MEGF8: variants seen among roughly 807,000 people sequenced by gnomAD.
MEGF8 encodes multiple EGF like domains 8, also known as multiple epidermal growth factor-like domains protein 8.
Under a neutral mutation model 302.9 loss-of-function variants are expected in MEGF8, and 156 were observed. That is an observed-to-expected ratio of 0.52 (90% CI 0.45 to 0.59). MEGF8 has a LOEUF of 0.59. Ranked by LOEUF, MEGF8 falls within the 20% of genes least tolerant of loss-of-function variation. The pLI, the probability that MEGF8 is intolerant of heterozygous loss-of-function variation, is 0.00. For synonymous variants in MEGF8, 1,621 were observed against 1,660.5 expected, an observed-to-expected ratio of 0.98 and a Z score of 0.58; for missense variants, 3,345 against 3,964.5, an observed-to-expected ratio of 0.84 and a Z score of 4.20.
intron 41 of MEGF8, among the ~76,000 whole-genome samples, chr19:42,372,146 GTCTGC>G (rs1245420363): frequency 6.6e-6 from 1 of 152,044 alleles, no homozygotes; most frequent in Non-Finnish European, 1.5e-5. Flanking sequence ...AGGGTCTGGG[GTCTGC>G]CTTCAGGACT....
intron 31 of MEGF8, 74 bp downstream of exon 31, chr19:42,359,316 A>T: frequency 3.6e-6 from 5 of 1,376,392 alleles, no homozygotes; most frequent in Non-Finnish European, 3.8e-6. Context: ...TGGGACTCCC[A>T]CTCCTTAGGA....
intron 8 of MEGF8, 138 bp downstream of exon 8, chr19:42,337,344 C>T (rs923901845): frequency 8.3e-6 from 10 of 1,207,992 alleles, no homozygotes; most frequent in Non-Finnish European, 1.2e-6. Flanking sequence ...GGAGGCAAGC[C>T]TGGGATGGAG....
At chr19:42,338,423 G>A (rs1482566127) in intron 8 of MEGF8, among the ~76,000 whole-genome samples, 2 of 152,082 alleles carry the variant, frequency 1.3e-5, no homozygotes, top group African/African-American at 2.4e-5. Context: ...TGTATTTTTA[G>A]TAGAGACGAG....
At chr19:42,364,168 C>T (rs1479759572) in intron 35 of MEGF8, among the ~76,000 whole-genome samples, 2 of 152,066 alleles carry the variant, frequency 1.3e-5, no homozygotes, top group Non-Finnish European at 2.9e-5. Flanking sequence ...CATGTGTGTA[C>T]CCGTGACAGT....
Position 42,337,218 on chromosome 19 carries a change from C to G in MEGF8, c.1513+12C>G. The G allele has an allele frequency of 6.2e-7, 1 of 1,613,190 alleles. No homozygotes were observed. Among genetic ancestry groups the G allele is most frequent in the Non-Finnish European group, 8.5e-7 (1 of 1,179,860 alleles). ...AGGAACCCCTGAGGGTGAGTGGTCC[C>G]TGTTCTTCCCTAGGGGCTCCTGAGG... On this transcript the variant is annotated intron_variant, in intron 8 of 41. Coordinates refer to ENST00000251268, the MANE Select transcript of MEGF8 (RefSeq NM_001271938.2).
chr19:42,362,961 G>A, intron 34 of MEGF8, 87 bp from the exon 35 acceptor site: 1 of 1,147,634 alleles, frequency 8.7e-7, no homozygotes, highest in Non-Finnish European at 1.3e-6. Flanking sequence ...AGGAGGGGCT[G>A]GGCCTGAGCT....
chr19:42,369,629 G>T lies in MEGF8; in HGVS notation c.6740G>T (p.Arg2247Leu). ...HCRCHFGFVGRNCSTECRCNR... is the reference protein window; with the variant it reads ...HCRCHFGFVGLNCSTECRCNR... ...CGCTGCCACTTTGGCTTTGTGGGCC[G>T]CAACTGCTCCACGGAATGCCGCTGC... Residue 2247 changes from arginine (R) to leucine (L), a missense_variant, in exon 38 of 42, where the codon CGC becomes CTC. Arg to Leu is a moderately radical substitution (Grantham distance 102, BLOSUM62 -2). Coordinates refer to ENST00000251268, the MANE Select transcript of MEGF8 (RefSeq NM_001271938.2). This position sits in a 1 kb window ranked among gnomAD's most constrained non-coding sequence, Gnocchi z 5.7. 1.2e-6 allele frequency: 2 copies of T among 1,612,900 alleles called. No homozygotes were observed. Among genetic ancestry groups the T allele is most frequent in the Non-Finnish European group, 8.5e-7 (1 of 1,179,748 alleles).
In MEGF8 at chr19:42,369,570, C is replaced by T. The variant is rs1302339189; in HGVS notation, c.6681C>T (p.Cys2227=). ...GLCRPVCAQG[C]VNGSCVEPDH... ...GCCGCCCTGTGTGCGCCCAGGGCTG[C>T]GTGAACGGCTCATGTGTGGAGCCCG... The change falls in exon 38 of 42, where the codon TGC becomes TGT. Residue 2227 remains cysteine, a synonymous_variant. Coordinates refer to ENST00000251268, the MANE Select transcript of MEGF8 (RefSeq NM_001271938.2). This position sits in a 1 kb window ranked among gnomAD's most constrained non-coding sequence, Gnocchi z 5.7. 8.7e-6 allele frequency: 14 copies of T among 1,611,324 alleles called. No individual in the cohort carries two copies. Among genetic ancestry groups the T allele is most frequent in the African/African-American group, 6.7e-5 (5 of 74,908 alleles).
intron 12 of MEGF8, among the ~76,000 whole-genome samples, chr19:42,347,000 A>G (rs1015994541): frequency 4.6e-4 from 70 of 150,646 alleles, no homozygotes; most frequent in Admixed American, 3.4e-3. Context: ...AAAAAAAAAA[A>G]AAAAAGAAAA....
At chr19:42,329,693 C>G (rs2039030477) in intron 1 of MEGF8, among the ~76,000 whole-genome samples, 1 of 152,020 alleles carries the variant, frequency 6.6e-6, no homozygotes, top group South Asian at 2.1e-4. Context: ...AAGACACTGT[C>G]TCTACAAAAA....
intron 8 of MEGF8, among the ~76,000 whole-genome samples, chr19:42,339,867 G>A (rs1250605027): frequency 1.3e-5 from 2 of 152,152 alleles, no homozygotes; most frequent in Non-Finnish European, 2.9e-5. Context: ...GACCATCCTG[G>A]TTAACATGGT....
rs2039423907 is a variant in MEGF8 at position 42,354,538 on chromosome 19, G to A, written c.4012-50G>A. The A allele has an allele frequency of 1.3e-6, 2 of 1,574,352 alleles. No individual in the cohort carries two copies. The highest frequency in any genetic ancestry group is 4.5e-5 in the East Asian group (2 of 44,034). On this transcript the variant is annotated intron_variant, in intron 22 of 41. Transcript: ENST00000251268. This position sits in a 1 kb window ranked among gnomAD's most constrained non-coding sequence, Gnocchi z 4.3. ...CCCCTCCTCCTCCCAGACCCCAGGT[G>A]TCGTTCTCATCCTCATTGTCTCCTA...
Position 42,351,840 on chromosome 19 carries a change from C to A in MEGF8, c.3101+79C>A. 1.6e-6 allele frequency: 2 copies of A among 1,214,170 alleles called. No homozygotes were observed. The highest frequency in any genetic ancestry group is 2.4e-6 in the Non-Finnish European group (2 of 846,932). The allele number at this position is 1,214,170 out of a possible 1,614,324, so 75.2% of individuals were successfully genotyped here. ...ACCGGTCATTCTAATGGCCTCTTTGCTTCTCTGCCCTCTTGCCCATCCCAT... is the reference window on the plus strand; with the variant it reads ...ACCGGTCATTCTAATGGCCTCTTTGATTCTCTGCCCTCTTGCCCATCCCAT... On this transcript the variant is annotated intron_variant, in intron 18 of 41. Transcript: ENST00000251268. This position sits in a 1 kb window ranked among gnomAD's most constrained non-coding sequence, Gnocchi z 5.6.
Position 42,334,018 on chromosome 19 carries a change from C to A in MEGF8, c.363C>A (p.His121Gln). ...CCTTGTGCCCGCAGATGCTGCTGCACCTCTTCAGTGATGCCAACTACAACC... is the reference window on the plus strand; with the variant it reads ...CCTTGTGCCCGCAGATGCTGCTGCAACTCTTCAGTGATGCCAACTACAACC... ...IEASSGKMLL[H>Q]LFSDANYNLL... The change falls in exon 3 of 42, where the codon CAC (histidine) becomes CAA (glutamine). Residue 121 changes from histidine to glutamine, a missense_variant. Physicochemically the swap from His to Gln is conservative, Grantham distance 24 (BLOSUM62 0). Coordinates refer to ENST00000251268, the MANE Select transcript of MEGF8 (RefSeq NM_001271938.2). 2.5e-6 allele frequency: 4 copies of A among 1,613,624 alleles called. No homozygotes were observed. The highest frequency in any genetic ancestry group is 3.4e-6 in the Non-Finnish European group (4 of 1,179,760).
intron 32 of MEGF8, 35 bp from the exon 33 acceptor site, chr19:42,362,055 A>ATGGGTG: frequency 6.2e-7 from 1 of 1,607,346 alleles, no homozygotes; most frequent in Non-Finnish European, 8.5e-7. Context: ...GGGGGTCTGG[A>ATGGGTG]TGGGTGTGAG....
At chr19:42,327,389 C>T (rs1208741185) in intron 1 of MEGF8, among the ~76,000 whole-genome samples, 1 of 152,176 alleles carries the variant, frequency 6.6e-6, no homozygotes, top group African/African-American at 2.4e-5. Context: ...GGAGGAACCC[C>T]AGAGGCCTGG....
At position 42,377,042 on chromosome 19, in the gene MEGF8, G is replaced by A; in HGVS notation, c.*267G>A. 2.4e-6 allele frequency: 1 copy of A among 423,212 alleles called. No homozygotes were observed. Among genetic ancestry groups the A allele is most frequent in the South Asian group, 8.4e-5 (1 of 11,862 alleles). The allele number at this position is 423,212 out of a possible 1,614,324, so 26.2% of individuals were successfully genotyped here. A position where few individuals can be genotyped will look rare whatever the true frequency, so the allele number is the denominator to read the frequency against. On this transcript the variant is annotated 3_prime_UTR_variant, in exon 42 of 42. Transcript: ENST00000251268. ...GATCTCATGGGACTTAGGTTCTGGT[G>A]AAGGGAGACAATCAGTGCACATGCA...
At position 42,344,481 on chromosome 19, in the gene MEGF8, GTGACTGCCAGGCC is replaced by G. The variant is rs778689628; in HGVS notation, c.1832_1844del (p.Asp611AlafsTer96). 6.3e-7 allele frequency: 1 copy of G among 1,597,870 alleles called. No individual in the cohort carries two copies. The highest frequency in any genetic ancestry group is 1.1e-5 in the South Asian group (1 of 90,920). On this transcript the variant is annotated frameshift_variant, in exon 11 of 42. Transcript: ENST00000251268. LOFTEE classifies it high-confidence loss of function. This position sits in a 1 kb window ranked among gnomAD's most constrained non-coding sequence, Gnocchi z 4.5. ...TGCCTGGGCCTGGGCCGCCTCCTGGGTGACTGCCAGGCCTGCCTGGCCTTCAGCAGCCCCACAG... is the reference window on the plus strand; with the variant it reads ...TGCCTGGGCCTGGGCCGCCTCCTGGGTGCCTGGCCTTCAGCAGCCCCACAG...
rs927098448 is a variant in MEGF8, at chr19:42,336,085, C to G, written c.983C>G (p.Ser328Cys). 14 of 1,600,478 alleles carry G rather than the reference C, an allele frequency of 8.7e-6. No individual in the cohort carries two copies. Among genetic ancestry groups the G allele is most frequent in the African/African-American group, 2.7e-5 (2 of 74,856 alleles). ...CTCCTGGCACCACCTGCCTCCAGCT[C>G]CTCGGGGCCCCCAGGCCTGGCAGGT... ...WELLAPPASSSSGPPGLAGHA... is the reference protein window; with the variant it reads ...WELLAPPASSCSGPPGLAGHA... Residue 328 changes from serine to cysteine, a missense_variant, in exon 6 of 42, where the codon TCC becomes TGC. Ser to Cys is a moderately radical substitution (Grantham distance 112). Coordinates refer to ENST00000251268, the MANE Select transcript of MEGF8 (RefSeq NM_001271938.2). The surrounding 1 kb of genome is among the most constrained non-coding windows in gnomAD (Gnocchi z 4.8).
Sources: allele counts gnomAD v4.1 joint callset (sites outside exome capture counted in the v4.1 genomes callset), GRCh38; gene constraint gnomAD v4.1.1; non-coding constraint Gnocchi (gnomAD v3.1); transcripts MANE v1.5; gene names NCBI Gene and HGNC (gene_info 2026-07-23, HGNC 2026-07-21).